Variants in ZNF816 observed in about 807,000 individuals in gnomAD.
ZNF816 encodes zinc finger protein 816.
A neutral mutation model predicts 8.3 loss-of-function variants in ZNF816; 11 were observed. The ratio of observed to expected loss-of-function variants is 1.32; its 90% confidence interval spans 0.83 to 2.19. The LOEUF (loss-of-function observed/expected upper bound fraction) is 2.19. Ranked by LOEUF, ZNF816 falls within the 30% of genes most tolerant of loss-of-function variation. The pLI, the probability that ZNF816 is intolerant of heterozygous loss-of-function variation, is 0.00. For missense variants in ZNF816, 710 were observed against 779.3 expected (o/e 0.91, Z 1.06); for synonymous variants, 255 against 254.5 (o/e 1.00, Z -0.02).
chr19:52,949,650 CATG>C lies in ZNF816; in HGVS notation c.*166_*168del, dbSNP rs1358381677. The C allele has an allele frequency of 1.2e-5, 13 of 1,072,336 alleles. No individual in the cohort carries two copies. The highest frequency in any genetic ancestry group is 9.6e-5 in the East Asian group (4 of 41,584). 66.4% of individuals were successfully genotyped at this position (1,072,336 alleles called of 1,614,324 possible). A position where few individuals can be genotyped will look rare whatever the true frequency, so the allele number is the denominator to read the frequency against. ...GCTTGACTGAAGACCTTGTCACAGT[CATG>C]ATATTTGTAAGGTTTCTCTCCAGTA... is the stretch of plus-strand genomic sequence containing the variant. On this transcript the variant is annotated 3_prime_UTR_variant, in exon 4 of 4. Transcript: ENST00000444460.
Position 52,950,098 on chromosome 19 carries a change from A to G in ZNF816, c.1677T>C (p.His559=), listed in dbSNP as rs887924685. The G allele has an allele frequency of 7.4e-6, 12 of 1,614,086 alleles. No individual in the cohort carries two copies. The highest frequency in any genetic ancestry group is 1.0e-5 in the Non-Finnish European group (12 of 1,179,980). The change falls in exon 4 of 4, where the codon CAT becomes CAC. Residue 559 remains histidine (H), a synonymous_variant. Coordinates refer to ENST00000444460, the MANE Select transcript of ZNF816 (RefSeq NM_001202457.3). ...DSCLANHTRV[H]TGEKPYKCNK... is the part of the protein sequence containing the mutation. ...TACACTTGTAAGGTTTCTCTCCAGT[A>G]TGAACTCTCGTATGGTTTGCAAGGC...
At chr19:52,956,384 G>T in intron 1 of ZNF816, 1 of 278,918 alleles carries the variant, frequency 3.6e-6, no homozygotes, top group Non-Finnish European at 6.7e-6. Context: ...CAAACTCCAT[G>T]CAGAGCACAG....
intron 2 of ZNF816, among the ~76,000 whole-genome samples, chr19:52,955,100 C>T (rs1479064442): frequency 1.7e-4 from 26 of 152,010 alleles, no homozygotes; most frequent in Admixed American, 1.0e-3. Flanking sequence ...TCCTCTCTAA[C>T]GACGTAAGTT....
rs770219136 is a variant in ZNF816 at position 52,951,358 on chromosome 19, T to G, written c.417A>C (p.Thr139=). The part of the protein sequence containing the change: ...MTKIKKLTGS[T]DRSDHRHAGN... ...CAGCATGCCTGTGATCACTTCGGTCTGTACTACCAGTCAACTTTTTGATTT... is the reference window on the plus strand; with the variant it reads ...CAGCATGCCTGTGATCACTTCGGTCGGTACTACCAGTCAACTTTTTGATTT... The change falls in exon 4 of 4, where the codon ACA becomes ACC. Residue 139 remains threonine (T), a synonymous_variant. Transcript: ENST00000444460. The G allele has an allele frequency of 5.6e-6, 9 of 1,614,094 alleles. No homozygotes were observed. Among genetic ancestry groups the G allele is most frequent in the South Asian group, 1.1e-5 (1 of 91,094 alleles).
rs757947729 is a variant in ZNF816, at chr19:52,951,340, C to G, written c.435G>C (p.Arg145Ser). 8.1e-6 allele frequency: 13 copies of G among 1,614,064 alleles called. No individual in the cohort carries two copies. Among genetic ancestry groups the G allele is most frequent in the South Asian group, 4.4e-5 (4 of 91,082 alleles). Residue 145 changes from arginine to serine, a missense_variant, in exon 4 of 4, where the codon AGG (arginine) becomes AGC (serine). Arg to Ser is a moderately radical substitution (Grantham distance 110, BLOSUM62 -1). Transcript: ENST00000444460. The stretch of plus-strand genomic sequence containing the variant: ...CTTTAATAGGCTTGTTTCCAGCATG[C>G]CTGTGATCACTTCGGTCTGTACTAC... ...LTGSTDRSDH[R>S]HAGNKPIKDQ... is the part of the protein sequence containing the mutation.
rs1309899284 is a variant in ZNF816 at position 52,957,064 on chromosome 19, G to C, written c.-15-960C>G. Among the ~76,000 whole-genome samples, 1 of 152,194 alleles carries C rather than the reference G, an allele frequency of 6.6e-6. No homozygotes were observed. The highest frequency in any genetic ancestry group is 1.5e-5 in the Non-Finnish European group (1 of 68,042). On this transcript the variant is annotated intron_variant, in intron 1 of 3. Coordinates refer to ENST00000444460, the MANE Select transcript of ZNF816 (RefSeq NM_001202457.3). This position sits in a 1 kb window ranked among gnomAD's most constrained non-coding sequence, Gnocchi z 4.6. ...TCACGTGGATGCCTTAGAGCTGTAA[G>C]CCCTTAAAAGGGCCAGGAATTTCTT...
chr19:52,951,645 A>G lies in ZNF816; in HGVS notation c.191-61T>C, dbSNP rs1047558868. On this transcript the variant is annotated intron_variant, in intron 3 of 3. Coordinates refer to ENST00000444460, the MANE Select transcript of ZNF816 (RefSeq NM_001202457.3). The stretch of plus-strand genomic sequence containing the variant: ...GTACAGATGGTAAATAATAGTTGAT[A>G]TTCAGATGTGTAAAAATTACACAAA... 9 of 1,409,096 alleles carry G rather than the reference A, an allele frequency of 6.4e-6. No individual in the cohort carries two copies. In the African/African-American group the frequency reaches 1.0e-4, roughly 16 times the overall value. 87.3% of individuals were successfully genotyped at this position (1,409,096 alleles called of 1,614,324 possible).
chr19:52,950,874 C>G lies in ZNF816; in HGVS notation c.901G>C (p.Val301Leu), dbSNP rs1450035847. ...GKTFTQMSSL[V>L]CHRRLHTGEK... is the part of the protein sequence containing the mutation. Reference sequence around the variant, plus strand: ...CCAGTATGAAGTCTACGATGGCATACAAGGGATGACATCTGAGTGAAGGTC... The same window carrying G: ...CCAGTATGAAGTCTACGATGGCATAGAAGGGATGACATCTGAGTGAAGGTC... Residue 301 changes from valine to leucine, a missense_variant, in exon 4 of 4, where the codon GTA becomes CTA. Val to Leu is a conservative substitution (Grantham distance 32, BLOSUM62 1). Coordinates refer to ENST00000444460, the MANE Select transcript of ZNF816 (RefSeq NM_001202457.3). 2 of 1,613,920 alleles carry G rather than the reference C, an allele frequency of 1.2e-6. No homozygotes were observed. The highest frequency in any genetic ancestry group is 1.7e-5 in the Admixed American group (1 of 60,000).
At chr19:52,951,902 A>G (rs182972799) in intron 3 of ZNF816, 1 of 417,842 alleles carries the variant, frequency 2.4e-6, no homozygotes, top group Non-Finnish European at 4.2e-6. Context: ...CTGTGTAGAA[A>G]AAAAAAAGAG....
chr19:52,961,890 C>A (rs1003831252), intron 1 of ZNF816, among the ~76,000 whole-genome samples: 1 of 152,158 alleles, frequency 6.6e-6, no homozygotes, highest in Non-Finnish European at 1.5e-5. Flanking sequence ...GTTCCTCACA[C>A]AATTCCAGCT....
intron 2 of ZNF816, among the ~76,000 whole-genome samples, chr19:52,953,867 C>T (rs1466087697): frequency 1.3e-5 from 2 of 149,138 alleles, no homozygotes; most frequent in African/African-American, 2.5e-5. Context: ...TGGCAAAACT[C>T]CGTATCTACT....
intron 2 of ZNF816, chr19:52,953,256 G>A: frequency 3.6e-6 from 1 of 274,320 alleles, no homozygotes; most frequent in Non-Finnish European, 7.4e-6. Context: ...AACCAGGTGT[G>A]GTGGCACACG....
At position 52,953,533 on chromosome 19, in the gene ZNF816, TA is replaced by T. The variant is rs1568438331; in HGVS notation, c.64-657del. ...ATATATAATATATATTTATAATATA[TA>T]ATATATAATACAATATTATATATAA... On this transcript the variant is annotated intron_variant, in intron 2 of 3. Transcript: ENST00000444460. 4.4e-4 allele frequency: 24 copies of T among 54,320 alleles called. 1 individual carries two copies. Among genetic ancestry groups the T allele is most frequent in the Admixed American group, 2.7e-3 (17 of 6,406 alleles). The allele number at this position is 54,320 out of a possible 1,614,324, so 3.4% of individuals were successfully genotyped here.
At position 52,949,718 on chromosome 19, in the gene ZNF816, A is replaced by G; in HGVS notation, c.*101T>C. Reference sequence around the variant, plus strand: ...AACTACAAGTTATGAATGACGTCTGAAAAATTTGCCACATTTATTACACTT... The same window carrying G: ...AACTACAAGTTATGAATGACGTCTGGAAAATTTGCCACATTTATTACACTT... On this transcript the variant is annotated 3_prime_UTR_variant, in exon 4 of 4. Coordinates refer to ENST00000444460, the MANE Select transcript of ZNF816 (RefSeq NM_001202457.3). 6.4e-7 allele frequency: 1 copy of G among 1,573,658 alleles called. No homozygotes were observed. The highest frequency in any genetic ancestry group is 1.7e-4 in the Middle Eastern group (1 of 5,934).
chr19:52,950,942 C>G lies in ZNF816; in HGVS notation c.833G>C (p.Cys278Ser). ...CTTGTAAGTTTTCTCACCAGTGTGACATCTATGATGATATACAATGTATTG... is the reference window on the plus strand; with the variant it reads ...CTTGTAAGTTTTCTCACCAGTGTGAGATCTATGATGATATACAATGTATTG... ...QKQYIVYHHR[C>S]HTGEKTYKCN... The change falls in exon 4 of 4, where the codon TGT becomes TCT. Residue 278 changes from cysteine (C) to serine (S), a missense_variant. Transcript: ENST00000444460. 6.2e-7 allele frequency: 1 copy of G among 1,614,146 alleles called. No individual in the cohort carries two copies. The highest frequency in any genetic ancestry group is 8.5e-7 in the Non-Finnish European group (1 of 1,180,020).
At chr19:52,962,356 C>T (rs922874494) in intron 1 of ZNF816, among the ~76,000 whole-genome samples, 3 of 152,154 alleles carry the variant, frequency 2.0e-5, no homozygotes, top group Non-Finnish European at 4.4e-5. Context: ...CCCCATCTCC[C>T]CACCCGTAGT....
chr19:52,956,176 A>C (rs2083508671), intron 1 of ZNF816, 72 bp from the exon 2 acceptor site: 1 of 1,519,494 alleles, frequency 6.6e-7, no homozygotes, highest in Non-Finnish European at 8.9e-7. Flanking sequence ...AAACACACAC[A>C]CAGGGGAAAC....
intron 1 of ZNF816, among the ~76,000 whole-genome samples, chr19:52,959,062 A>G (rs901054209): frequency 1.3e-5 from 2 of 152,250 alleles, no homozygotes; most frequent in African/African-American, 4.8e-5. Flanking sequence ...GGCCGAGGCC[A>G]GTGGCCTGCC....
intron 2 of ZNF816, chr19:52,953,452 A>C (rs1291705584): frequency 9.5e-6 from 1 of 105,272 alleles, no homozygotes. Context: ...TATATATATA[A>C]TATATACTTA....
Sources: gnomAD v4.1 joint callset for allele counts (sites outside exome capture counted in the v4.1 genomes callset) on GRCh38, gnomAD v4.1.1 for gene constraint, Gnocchi (gnomAD v3.1) non-coding constraint, MANE v1.5 for transcripts, NCBI Gene and HGNC (gene_info 2026-07-23, HGNC 2026-07-21) for gene names.